The following MAP2K1 variants were observed in gnomAD, a reference collection of about 807,000 sequenced individuals.
The protein encoded by MAP2K1 is dual specificity mitogen-activated protein kinase kinase 1.
In MAP2K1, 16 loss-of-function variants were observed where a neutral mutation model predicts 46.3. That is an observed-to-expected ratio of 0.35 (90% CI 0.23 to 0.52). MAP2K1 has a LOEUF of 0.52. MAP2K1 is among the 20% of genes least tolerant of loss of function. MAP2K1 has a pLI of 0.94. For synonymous variants in MAP2K1, 183 were observed against 185.6 expected (o/e 0.99, Z 0.11); for missense variants, 263 against 497.1 (o/e 0.53, Z 4.48).
intron 7 of MAP2K1, among the ~76,000 whole-genome samples, chr15:66,485,892 GTTT>G: frequency 6.6e-6 from 1 of 151,452 alleles, no homozygotes; most frequent in East Asian, 1.9e-4. Context: ...TAATTTGTGG[GTTT>G]TTTTTGTTTT....
intron 10 of MAP2K1, chr15:66,490,033 A>G (rs1893193438): frequency 1.7e-6 from 1 of 572,506 alleles, no homozygotes; most frequent in East Asian, 3.0e-5. Flanking sequence ...CACCCCCTTC[A>G]TGGGGATGCG....
intron 5 of MAP2K1, among the ~76,000 whole-genome samples, chr15:66,463,584 G>A (rs1417458160): frequency 6.6e-6 from 1 of 152,202 alleles, no homozygotes; most frequent in African/African-American, 2.4e-5. Context: ...CTGGGTTCAA[G>A]CGATTCTCCT....
chr15:66,401,774 A>C (rs906096250), intron 1 of MAP2K1: 17 of 152,562 alleles, frequency 1.1e-4, no homozygotes, highest in Admixed American at 9.2e-4. Context: ...TGACAGTTGA[A>C]CTGGGTCTTG....
chr15:66,421,931 T>G (rs560866228), intron 1 of MAP2K1, among the ~76,000 whole-genome samples: 11 of 151,822 alleles, frequency 7.2e-5, no homozygotes, highest in South Asian at 2.1e-4. Flanking sequence ...CTAGACCAGT[T>G]TGAGCCTCAT....
intron 1 of MAP2K1, among the ~76,000 whole-genome samples, chr15:66,434,564 A>T (rs2093482610): frequency 6.6e-6 from 1 of 152,172 alleles, no homozygotes; most frequent in African/African-American, 2.4e-5. Flanking sequence ...TTACATTGAA[A>T]ATGAGGATTT....
intron 5 of MAP2K1, among the ~76,000 whole-genome samples, chr15:66,457,788 C>A (rs534047141): frequency 1.3e-5 from 2 of 151,742 alleles, no homozygotes; most frequent in Non-Finnish European, 2.9e-5. Context: ...GTGGTGAAAC[C>A]CCGTCTCTAC....
rs2093438334 is a variant in MAP2K1, at chr15:66,420,819, A to ATATATGTG, written c.81-14203_81-14202insGTGTATAT. ...TATATATATGTGTATATATATGTGT[A>ATATATGTG]TATATATATGTGTATATATATGTGT... On this transcript the variant is annotated intron_variant, in intron 1 of 10. Coordinates refer to ENST00000307102, the MANE Select transcript of MAP2K1 (RefSeq NM_002755.4). Among the ~76,000 whole-genome samples, 3 of 61,136 alleles carry ATATATGTG rather than the reference A, an allele frequency of 4.9e-5. 1 individual carries two copies. The highest frequency in any genetic ancestry group is 1.7e-4 in the African/African-American group (3 of 17,774). The allele number at this position is 61,136 out of a possible 152,430, so 40.1% of individuals were successfully genotyped here. A position where few individuals can be genotyped will look rare whatever the true frequency, so the allele number is the denominator to read the frequency against.
At chr15:66,425,616 G>A (rs1038217050) in intron 1 of MAP2K1, among the ~76,000 whole-genome samples, 1 of 152,178 alleles carries the variant, frequency 6.6e-6, no homozygotes, top group Admixed American at 6.5e-5. Context: ...GGGCAGTGGG[G>A]CAGGGGACAT....
At chr15:66,478,981 G>A (rs1892849909) in intron 5 of MAP2K1, among the ~76,000 whole-genome samples, 1 of 152,146 alleles carries the variant, frequency 6.6e-6, no homozygotes, top group Admixed American at 6.5e-5. Context: ...ATGGCAGCAG[G>A]GTGGGTAGAA....
At chr15:66,396,688 T>C (rs576969631) in intron 1 of MAP2K1, among the ~76,000 whole-genome samples, 1 of 152,246 alleles carries the variant, frequency 6.6e-6, no homozygotes, top group Non-Finnish European at 1.5e-5. Flanking sequence ...ATAATAGTTC[T>C]TTTTTCTTTT....
chr15:66,475,867 G>T (rs1327472044), intron 5 of MAP2K1, among the ~76,000 whole-genome samples: 3 of 152,154 alleles, frequency 2.0e-5, no homozygotes, highest in African/African-American at 7.2e-5. Context: ...TCTTAGCTCA[G>T]TGCAGATACT....
intron 5 of MAP2K1, among the ~76,000 whole-genome samples, chr15:66,452,961 G>T (rs1273880560): frequency 6.6e-6 from 1 of 152,158 alleles, no homozygotes; most frequent in Admixed American, 6.6e-5. Context: ...GAAGATGATA[G>T]TAGAAAACAG....
At chr15:66,476,734 C>T (rs1293234277) in intron 5 of MAP2K1, among the ~76,000 whole-genome samples, 5 of 152,096 alleles carry the variant, frequency 3.3e-5, no homozygotes, top group Admixed American at 6.6e-5. Context: ...GGGGCTGTCC[C>T]GCTGGAGGAG....
intron 1 of MAP2K1, among the ~76,000 whole-genome samples, chr15:66,430,170 G>A (rs1291384841): frequency 6.6e-6 from 1 of 152,114 alleles, no homozygotes; most frequent in Non-Finnish European, 1.5e-5. Context: ...CTCTTACCTT[G>A]GGTCTGTCTC....
rs544195964 is a variant in MAP2K1 at position 66,401,321 on chromosome 15, T to A, written c.80+13894T>A. Among the ~76,000 whole-genome samples the A allele has an allele frequency of 6.6e-5, 10 of 152,342 alleles. 2 individuals are homozygous for A. Among genetic ancestry groups the A allele is most frequent in the Admixed American group, 6.5e-4 (10 of 15,304 alleles). On this transcript the variant is annotated intron_variant, in intron 1 of 10. Coordinates refer to ENST00000307102, the MANE Select transcript of MAP2K1 (RefSeq NM_002755.4). ...AACAGAATATGTTCCAAAAAAAGAT[T>A]GAACCAATTTACAATGTATATTTCA... is the stretch of plus-strand genomic sequence containing the variant.
intron 5 of MAP2K1, 67 bp downstream of exon 5, chr15:66,444,774 C>T: frequency 7.9e-7 from 1 of 1,263,998 alleles, no homozygotes; most frequent in Non-Finnish European, 1.2e-6. Context: ...GTTGCTTCCT[C>T]TTTTTTCTAT....
At position 66,414,712 on chromosome 15, in the gene MAP2K1, A is replaced by AGGT. The variant is rs1489413045; in HGVS notation, c.81-20315_81-20314insGGT. ...CTCACTGCAGGTTAGGCTGTATTAC[A>AGGT]TGGCTCAGAGCCCCAACCTTGTAAT... is the stretch of plus-strand genomic sequence containing the variant. On this transcript the variant is annotated intron_variant, in intron 1 of 10. Transcript: ENST00000307102. Among the ~76,000 whole-genome samples the AGGT allele has an allele frequency of 3.3e-5, 5 of 151,642 alleles. No homozygotes were observed. The East Asian group carries it at 9.7e-4, about 29-fold the overall frequency.
chr15:66,394,850 T>C (rs2093363973), intron 1 of MAP2K1, among the ~76,000 whole-genome samples: 1 of 152,236 alleles, frequency 6.6e-6, no homozygotes, highest in Non-Finnish European at 1.5e-5. Context: ...ATACTGGTGC[T>C]GTCTTTCAGA....
intron 3 of MAP2K1, among the ~76,000 whole-genome samples, chr15:66,439,935 C>CA (rs36081187): frequency 0.46 from 52,729 of 115,588 alleles, 11,425 homozygotes; most frequent in Non-Finnish European, 0.54. Context: ...AACTCCATCT[C>CA]AAAAAAAAAA....
Sources: gnomAD v4.1 joint callset for allele counts (sites outside exome capture counted in the v4.1 genomes callset) on GRCh38, gnomAD v4.1.1 for gene constraint, MANE v1.5 for transcripts, NCBI Gene and HGNC (gene_info 2026-07-23, HGNC 2026-07-21) for gene names.